AKAP9: variants seen among roughly 807,000 people sequenced by gnomAD.
AKAP9 encodes the protein A-kinase anchor protein 9.
In AKAP9, 311 loss-of-function variants were observed where a neutral mutation model predicts 488.5. That is an observed-to-expected ratio of 0.64 (90% CI 0.58 to 0.70). The LOEUF is 0.70. Ranked by LOEUF, AKAP9 falls within the 30% of genes least tolerant of loss-of-function variation. The pLI is 0.00. For synonymous variants in AKAP9, 1,462 were observed against 1,483.5 expected (o/e 0.99, Z 0.33); for missense variants, 4,215 against 4,374.5 (o/e 0.96, Z 1.03).
chr7:92,039,839 G>A (rs1211913810), intron 17 of AKAP9, among the ~76,000 whole-genome samples: 1 of 152,146 alleles, frequency 6.6e-6, no homozygotes. Context: ...GCTGGGCATG[G>A]CAGTACATGC....
chr7:92,084,253 A>G (rs1814115180), intron 33 of AKAP9, among the ~76,000 whole-genome samples: 1 of 152,116 alleles, frequency 6.6e-6, no homozygotes, highest in Non-Finnish European at 1.5e-5. Context: ...TGGTTCCAAC[A>G]CTGTGTGCTT....
chr7:91,954,686 G>A (rs762766779), intron 1 of AKAP9, among the ~76,000 whole-genome samples: 24 of 146,558 alleles, frequency 1.6e-4, no homozygotes, highest in Admixed American at 3.4e-4. Context: ...GCTGCATATA[G>A]GAAACACCTG....
intron 16 of AKAP9, among the ~76,000 whole-genome samples, chr7:92,032,323 C>G (rs949071740): frequency 2.6e-5 from 4 of 152,020 alleles, no homozygotes; most frequent in Middle Eastern, 3.4e-3. Context: ...GTGGAGAAAC[C>G]CTGGCTCTAC....
At chr7:92,057,069 A>T (rs1434808766) in intron 22 of AKAP9, among the ~76,000 whole-genome samples, 2 of 152,172 alleles carry the variant, frequency 1.3e-5, no homozygotes, top group South Asian at 4.1e-4. Context: ...AAGTTTAGTC[A>T]GGGTTCATAA....
intron 1 of AKAP9, among the ~76,000 whole-genome samples, chr7:91,959,123 A>G (rs1793405005): frequency 6.6e-6 from 1 of 151,986 alleles, no homozygotes; most frequent in African/African-American, 2.4e-5. Flanking sequence ...GGGCTTAAGC[A>G]ATATGCCCAC....
rs561625086 is a variant in AKAP9 at position 92,026,587 on chromosome 7, G to A, written c.4149-3308G>A. ...TGACCTCGAGTGATCTGCCCGCCTC[G>A]GCCTCCCGAGGTGCTGGGATTGCAG... On this transcript the variant is annotated intron_variant, in intron 14 of 49. Transcript: ENST00000356239. Among the ~76,000 whole-genome samples, 15 of 152,250 alleles carry A rather than the reference G, an allele frequency of 9.9e-5. No homozygotes were observed. In the East Asian group the frequency reaches 1.4e-3, roughly 14 times the overall value.
At position 92,031,521 on chromosome 7, in the gene AKAP9, G is replaced by T; in HGVS notation, c.4255G>T (p.Glu1419Ter). Residue 1419 changes from glutamate (E) to a stop codon, truncating the protein, a stop_gained, in exon 16 of 50, where the codon GAA (glutamate) becomes TAA (stop). Coordinates refer to ENST00000356239, the MANE Select transcript of AKAP9 (RefSeq NM_005751.5). LOFTEE classifies it high-confidence loss of function. Reference sequence around the variant, plus strand: ...TTGCTTTTAAATGTAGTTTTCTGGTGAATTTGGAGTGAAAGAGGAAACAAA... The same window carrying T: ...TTGCTTTTAAATGTAGTTTTCTGGTTAATTTGGAGTGAAAGAGGAAACAAA... The part of the protein sequence containing the change: ...NIDGTIEFSG[E>*]FGVKEETNIV... 6.2e-7 allele frequency: 1 copy of T among 1,610,350 alleles called. No homozygotes were observed. Among genetic ancestry groups the T allele is most frequent in the Non-Finnish European group, 8.5e-7 (1 of 1,177,092 alleles).
Position 92,102,200 on chromosome 7 carries a change from A to G in AKAP9, c.11098-394A>G, listed in dbSNP as rs143645864. Among the ~76,000 whole-genome samples, 1,126 of 138,948 alleles carry G rather than the reference A, an allele frequency of 8.1e-3. 9 individuals carry two copies. The highest frequency in any genetic ancestry group is 0.032 in the Middle Eastern group (9 of 282). 91.2% of individuals were successfully genotyped at this position (138,948 alleles called of 152,430 possible). On this transcript the variant is annotated intron_variant, in intron 45 of 49. Coordinates refer to ENST00000356239, the MANE Select transcript of AKAP9 (RefSeq NM_005751.5). The stretch of plus-strand genomic sequence containing the variant: ...AAATAAATAAATAAATAAATAAATA[A>G]ATAGATAGATTAGTGACCCTAATAA...
intron 28 of AKAP9, among the ~76,000 whole-genome samples, chr7:92,075,607 G>A (rs1436043683): frequency 2.0e-5 from 3 of 152,142 alleles, no homozygotes; most frequent in African/African-American, 4.8e-5. Flanking sequence ...CCACATACTC[G>A]CCATGTGGCC....
Position 92,083,603 on chromosome 7 carries a change from AAG to A in AKAP9, c.8597_8598del (p.Glu2866GlyfsTer15). ...CACTATGTTGCCGTTCAGTTACTGA[AAG>A]AGGAATGTGGTACCTTGAAGGCAGT... On this transcript the variant is annotated frameshift_variant, in exon 33 of 50. Coordinates refer to ENST00000356239, the MANE Select transcript of AKAP9 (RefSeq NM_005751.5). LOFTEE classifies it high-confidence loss of function. The A allele has an allele frequency of 6.2e-7, 1 of 1,604,600 alleles. No homozygotes were observed. The highest frequency in any genetic ancestry group is 8.5e-7 in the Non-Finnish European group (1 of 1,177,470).
rs1314663368 is a variant in AKAP9 at position 91,994,712 on chromosome 7, AG to A, written c.669del (p.Thr224GlnfsTer2). 6.2e-7 allele frequency: 1 copy of A among 1,613,360 alleles called. No individual in the cohort carries two copies. The highest frequency in any genetic ancestry group is 1.1e-5 in the South Asian group (1 of 90,898). On this transcript the variant is annotated frameshift_variant, in exon 6 of 50. Transcript: ENST00000356239. LOFTEE classifies it high-confidence loss of function. ...NLQQARREKDETMREFLELTE... is the reference protein window; with the variant it reads ...NLQQARREKDXTMREFLELTE... ...CAACAAGCAAGAAGAGAAAAGGATG[AG>A]ACAATGAGAGAATTTTTAGAGTTGA...
At chr7:92,097,826 T>C (rs1234669411) in intron 42 of AKAP9, 32 bp downstream of exon 42, 1 of 1,604,874 alleles carries the variant, frequency 6.2e-7, no homozygotes, top group African/African-American at 1.3e-5. Context: ...TTTGGGAAAG[T>C]AGTATTCTTA....
At chr7:92,086,149 C>A in intron 36 of AKAP9, 79 bp from the exon 37 acceptor site, 1 of 1,197,870 alleles carries the variant, frequency 8.3e-7, no homozygotes, top group South Asian at 1.3e-5. Context: ...AATTATTTTT[C>A]TTTGTAGATT....
chr7:92,040,643 ATT>A, intron 17 of AKAP9, 29 bp from the exon 18 acceptor site: 1 of 1,219,822 alleles, frequency 8.2e-7, no homozygotes, highest in African/African-American at 1.8e-5. Context: ...TTATGGTTGA[ATT>A]GTTTTTTTTT....
chr7:91,969,006 G>A (rs937385422), intron 1 of AKAP9, among the ~76,000 whole-genome samples: 7 of 151,998 alleles, frequency 4.6e-5, no homozygotes, highest in African/African-American at 1.7e-4. Flanking sequence ...CAAGTAGCTG[G>A]CACCACAGGC....
intron 7 of AKAP9, among the ~76,000 whole-genome samples, chr7:92,000,001 GCCCTCTATTACTTACAGAGGCAAGTA>G (rs1297574721): frequency 6.6e-6 from 1 of 152,120 alleles, no homozygotes; most frequent in Admixed American, 6.6e-5. Flanking sequence ...TGAGACTATA[GCCCTCTATTACTTACAGAGGCAAGTA>G]AGTTACTGAA....
chr7:91,959,606 A>G (rs901479939), intron 1 of AKAP9, among the ~76,000 whole-genome samples: 1 of 152,136 alleles, frequency 6.6e-6, no homozygotes, highest in Non-Finnish European at 1.5e-5. Context: ...TCCAACAAAC[A>G]TTTGTGTCTA....
At chr7:92,073,340 CAA>C (rs397713211) in intron 28 of AKAP9, among the ~76,000 whole-genome samples, 9 of 127,068 alleles carry the variant, frequency 7.1e-5, no homozygotes, top group Admixed American at 8.0e-5. Context: ...ACTAAAAATA[CAA>C]AAAAAAAAAA....
intron 42 of AKAP9, 24 bp from the exon 43 acceptor site, chr7:92,098,085 T>G (rs751223991): frequency 6.7e-7 from 1 of 1,501,744 alleles, no homozygotes; most frequent in Non-Finnish European, 9.3e-7. Flanking sequence ...AGGTATGTTT[T>G]GACTTTTTGT....
Sources: allele counts gnomAD v4.1 joint callset (sites outside exome capture counted in the v4.1 genomes callset), GRCh38; gene constraint gnomAD v4.1.1; transcripts MANE v1.5; gene names NCBI Gene and HGNC (gene_info 2026-07-23, HGNC 2026-07-21).